The following NXPE4 variants were observed in gnomAD, a reference collection of about 807,000 sequenced individuals.
The protein encoded by NXPE4 is NXPE family member 4.
A neutral mutation model predicts 33.3 loss-of-function variants in NXPE4; 42 were observed. The ratio of observed to expected loss-of-function variants is 1.26; its 90% CI spans 0.98 to 1.63. The LOEUF (loss-of-function observed/expected upper bound fraction) is 1.63, where lower values mean the gene tolerates loss of function less well. Ranked by LOEUF, NXPE4 falls within the 40% of genes most tolerant of loss-of-function variation. The pLI is 0.00. For synonymous variants in NXPE4, 253 were observed against 234.9 expected, an observed-to-expected ratio of 1.08 and a Z score of -0.71; for missense variants, 709 against 647.6, an observed-to-expected ratio of 1.09 and a Z score of -1.03.
the NXPE4 span, among the ~76,000 whole-genome samples, chr11:114,636,237 T>A: frequency 0.18 from 27,905 of 152,042 alleles, 3,031 homozygotes; most frequent in African/African-American, 0.29. Flanking sequence ...CTAGATTCTC[T>A]AGTTTATTTG....
the NXPE4 span, among the ~76,000 whole-genome samples, chr11:114,660,626 G>A: frequency 3.3e-5 from 5 of 152,012 alleles, no homozygotes; most frequent in East Asian, 9.7e-4. Context: ...CTCGATAAAG[G>A]CATTTAGGAA....
chr11:114,610,309 C>G, the NXPE4 span, among the ~76,000 whole-genome samples: 1 of 151,170 alleles, frequency 6.6e-6, no homozygotes, highest in African/African-American at 2.4e-5. Context: ...TAGTGTGTAA[C>G]CACTGTTATC....
the NXPE4 span, among the ~76,000 whole-genome samples, chr11:114,613,900 G>A: frequency 0.013 from 1,988 of 151,858 alleles, 22 homozygotes; most frequent in Non-Finnish European, 0.021. Flanking sequence ...GTGTTGCCTC[G>A]TGGGTAACCA....
the NXPE4 span, among the ~76,000 whole-genome samples, chr11:114,636,910 G>A: frequency 6.6e-6 from 1 of 152,088 alleles, no homozygotes; most frequent in Non-Finnish European, 1.5e-5. Flanking sequence ...GAATAGGTGT[G>A]GTGTGTTGCT....
At chr11:114,577,107 A>G (rs1021496258) in intron 5 of NXPE4, among the ~76,000 whole-genome samples, 1 of 142,468 alleles carries the variant, frequency 7.0e-6, no homozygotes, top group Non-Finnish European at 1.5e-5. Flanking sequence ...AAAGTTATAT[A>G]TATACACATA....
upstream of NXPE4, among the ~76,000 whole-genome samples, chr11:114,600,221 C>T (rs1035173136): frequency 6.6e-6 from 1 of 152,142 alleles, no homozygotes; most frequent in African/African-American, 2.4e-5. Context: ...TGAACATCTG[C>T]TTACCCAAGT....
chr11:114,628,381 G>C, the NXPE4 span, among the ~76,000 whole-genome samples: 6 of 152,142 alleles, frequency 3.9e-5, no homozygotes, highest in African/African-American at 1.4e-4. Context: ...CAAAACCACT[G>C]AACTACATGG....
At chr11:114,664,982 A>G in the NXPE4 span, among the ~76,000 whole-genome samples, 17 of 152,254 alleles carry the variant, frequency 1.1e-4, no homozygotes, top group African/African-American at 3.8e-4. Flanking sequence ...TATTAAATGC[A>G]TTTTCAACTT....
the NXPE4 span, among the ~76,000 whole-genome samples, chr11:114,631,403 C>A: frequency 1.3e-4 from 20 of 151,358 alleles, no homozygotes; most frequent in Admixed American, 1.2e-3. Flanking sequence ...AATCATCATT[C>A]TCAGTAAACT....
At chr11:114,651,443 T>C in the NXPE4 span, among the ~76,000 whole-genome samples, 3 of 152,142 alleles carry the variant, frequency 2.0e-5, no homozygotes, top group Non-Finnish European at 4.4e-5. Flanking sequence ...TTACAGCTCA[T>C]AAAGGTAGTG....
chr11:114,618,005 G>A, the NXPE4 span, among the ~76,000 whole-genome samples: 2 of 151,956 alleles, frequency 1.3e-5, no homozygotes, highest in African/African-American at 4.8e-5. Context: ...GGTAACCAGT[G>A]TTACCCGCTG....
At chr11:114,593,672 G>T (rs549372201) in intron 2 of NXPE4, among the ~76,000 whole-genome samples, 1 of 152,180 alleles carries the variant, frequency 6.6e-6, no homozygotes, top group South Asian at 2.1e-4. Flanking sequence ...CCACTGCTAG[G>T]TATATACCCA....
chr11:114,632,575 CAT>C, the NXPE4 span, among the ~76,000 whole-genome samples: 96 of 104,362 alleles, frequency 9.2e-4, no homozygotes, highest in African/African-American at 3.5e-3. Context: ...TTACATATAT[CAT>C]ATATTTATTG....
the NXPE4 span, among the ~76,000 whole-genome samples, chr11:114,645,934 A>G: frequency 6.6e-6 from 1 of 152,096 alleles, no homozygotes; most frequent in African/African-American, 2.4e-5. Context: ...TTGGCAGAAA[A>G]TTTTGGCAAC....
the NXPE4 span, among the ~76,000 whole-genome samples, chr11:114,628,404 C>G: frequency 6.6e-6 from 1 of 152,206 alleles, no homozygotes; most frequent in Non-Finnish European, 1.5e-5. Flanking sequence ...ACTGAACAAC[C>G]TGCTTCTGAA....
the NXPE4 span, among the ~76,000 whole-genome samples, chr11:114,630,109 C>T: frequency 7.3e-5 from 11 of 151,612 alleles, no homozygotes; most frequent in African/African-American, 2.4e-4. Context: ...AGGTAATTTA[C>T]AGATTCAATG....
At chr11:114,629,937 T>C in the NXPE4 span, among the ~76,000 whole-genome samples, 5 of 149,498 alleles carry the variant, frequency 3.3e-5, no homozygotes, top group African/African-American at 9.9e-5. Flanking sequence ...TCAAAGATAA[T>C]AAAATACCTA....
At chr11:114,640,914 C>A in the NXPE4 span, among the ~76,000 whole-genome samples, 1 of 151,872 alleles carries the variant, frequency 6.6e-6, no homozygotes, top group African/African-American at 2.4e-5. Flanking sequence ...TTCCTGTTTT[C>A]TCTGTTATTT....
At chr11:114,628,659 A>G in the NXPE4 span, among the ~76,000 whole-genome samples, 4 of 149,216 alleles carry the variant, frequency 2.7e-5, no homozygotes. Flanking sequence ...AAGGCAAGAA[A>G]TAACTAAAAT....
Sources: gnomAD v4.1 joint callset for allele counts (sites outside exome capture counted in the v4.1 genomes callset) on GRCh38, gnomAD v4.1.1 for gene constraint, MANE v1.5 for transcripts, NCBI Gene and HGNC (gene_info 2026-07-23, HGNC 2026-07-21) for gene names.